The following NRCAM variants were observed in gnomAD, a reference collection of about 807,000 sequenced individuals.
NRCAM encodes the protein neuronal cell adhesion molecule, also known as NgCAM-related cell adhesion molecule.
NRCAM carries 83 observed loss-of-function variants against 156.5 expected under a neutral mutation model. The ratio of observed to expected loss-of-function variants is 0.53; its 90% CI spans 0.44 to 0.64. The LOEUF (loss-of-function observed/expected upper bound fraction) is 0.64. Among genes scored for constraint, NRCAM ranks in the 30% least tolerant of loss-of-function variants. The pLI is 0.00. For synonymous variants in NRCAM, 538 were observed against 563.9 expected, an observed-to-expected ratio of 0.95 and a Z score of 0.65; for missense variants, 1,417 against 1,597.3, an observed-to-expected ratio of 0.89 and a Z score of 1.92.
At chr7:108,442,096 G>A (rs775951124) in intron 1 of NRCAM, among the ~76,000 whole-genome samples, 22 of 152,074 alleles carry the variant, frequency 1.4e-4, no homozygotes, top group Non-Finnish European at 2.9e-4. Context: ...TAATACCTCG[G>A]GAGCAGGCTG....
Position 108,301,894 on chromosome 7 carries a change from G to A in NRCAM, c.-107+10771C>T, listed in dbSNP as rs945257151. 5.3e-5 allele frequency among the ~76,000 whole-genome samples: 8 copies of A among 152,060 alleles called. No individual in the cohort carries two copies. In the South Asian group the frequency reaches 1.5e-3, roughly 28 times the overall value. Reference sequence around the variant, plus strand: ...TACATCACTTTAGGACACTATTTCTGAGACTTGCGACTCAGCTTTGTACAT... The same window carrying A: ...TACATCACTTTAGGACACTATTTCTAAGACTTGCGACTCAGCTTTGTACAT... On this transcript the variant is annotated intron_variant, in intron 3 of 32. Transcript: ENST00000379028.
chr7:108,221,163 G>A (rs2092122554), intron 11 of NRCAM, among the ~76,000 whole-genome samples: 1 of 152,170 alleles, frequency 6.6e-6, no homozygotes, highest in African/African-American at 2.4e-5. Flanking sequence ...CCTTACTCCT[G>A]CAAGAATGGC....
At chr7:108,383,949 G>A (rs931265022) in intron 2 of NRCAM, among the ~76,000 whole-genome samples, 1 of 152,100 alleles carries the variant, frequency 6.6e-6, no homozygotes, top group South Asian at 2.1e-4. Context: ...TTTGGTTTAA[G>A]AACAGGTTGA....
chr7:108,207,534 T>C lies in NRCAM; in HGVS notation c.1201A>G (p.Ile401Val). The C allele has an allele frequency of 1.9e-6, 3 of 1,613,946 alleles. No homozygotes were observed. The highest frequency in any genetic ancestry group is 1.3e-5 in the African/African-American group (1 of 75,018). The stretch of plus-strand genomic sequence containing the variant: ...ACCACTCAAGGCAACTTACTTTCTA[T>C]TGGGACTCCATTTGTTAACCAGCTA... ...RISWLTNGVP[I>V]EIAPDDPSRK... The change falls in exon 13 of 33, where the codon ATA becomes GTA. Residue 401 changes from isoleucine to valine, a missense_variant. Transcript: ENST00000379028.
At position 108,189,713 on chromosome 7, in the gene NRCAM, G is replaced by T; in HGVS notation, c.1967C>A (p.Thr656Lys). The change falls in exon 20 of 33, where the codon ACA (threonine) becomes AAA (lysine). Residue 656 changes from threonine (T) to lysine (K), a missense_variant. Around this residue, in one of 2 missense-constraint regions of NRCAM, gnomAD observed 1,238 missense variants for 1,336.4 expected, o/e 0.93. Transcript: ENST00000379028. ...VPNPPFDLELTDQLDKSVQLS... is the reference protein window; with the variant it reads ...VPNPPFDLELKDQLDKSVQLS... ...CTGAACACTTTTGTCAAGTTGATCT[G>T]TCAGTTCTAAGTCAAAGGGAGGATT... 6.5e-7 allele frequency: 1 copy of T among 1,547,152 alleles called. No homozygotes were observed. The highest frequency in any genetic ancestry group is 8.9e-7 in the Non-Finnish European group (1 of 1,121,200).
chr7:108,335,013 A>G (rs1422023100), intron 2 of NRCAM, among the ~76,000 whole-genome samples: 2 of 152,198 alleles, frequency 1.3e-5, no homozygotes, highest in Non-Finnish European at 2.9e-5. Flanking sequence ...AGGCATATTT[A>G]CATCCATTAA....
intron 2 of NRCAM, among the ~76,000 whole-genome samples, chr7:108,318,886 G>A (rs535342272): frequency 6.6e-6 from 1 of 152,174 alleles, no homozygotes; most frequent in Non-Finnish European, 1.5e-5. Context: ...TATTCAGGAA[G>A]CAAAAGCAGT....
chr7:108,193,900 AT>A, intron 17 of NRCAM, 123 bp downstream of exon 17: 2 of 912,366 alleles, frequency 2.2e-6, no homozygotes, highest in Non-Finnish European at 3.2e-6. Context: ...TTATCTCTCT[AT>A]TTTGGAGACA....
intron 32 of NRCAM, among the ~76,000 whole-genome samples, chr7:108,157,283 G>T (rs2046077911): frequency 6.6e-6 from 1 of 152,040 alleles, no homozygotes; most frequent in African/African-American, 2.4e-5. Context: ...AGAAACTAAG[G>T]CCTAAAGACA....
chr7:108,434,323 A>G (rs1302962890), intron 1 of NRCAM, among the ~76,000 whole-genome samples: 5 of 152,244 alleles, frequency 3.3e-5, no homozygotes, highest in Non-Finnish European at 7.3e-5. Context: ...GAAAGCAAAC[A>G]AGAACACCAG....
At chr7:108,303,675 G>C (rs989807513) in intron 3 of NRCAM, among the ~76,000 whole-genome samples, 2 of 151,634 alleles carry the variant, frequency 1.3e-5, no homozygotes, top group Non-Finnish European at 2.9e-5. Flanking sequence ...GGCACTTGGA[G>C]TGTATCTACT....
Position 108,432,454 on chromosome 7 carries a change from C to A in NRCAM, c.-332+23789G>T, listed in dbSNP as rs375753025. Among the ~76,000 whole-genome samples, 5 of 152,288 alleles carry A rather than the reference C, an allele frequency of 3.3e-5. No individual in the cohort carries two copies. In the East Asian group the frequency reaches 5.8e-4, roughly 18 times the overall value. On this transcript the variant is annotated intron_variant, in intron 1 of 32. Transcript: ENST00000379028. ...CTTTGCTCCAACCCTAAGTGGCTAGCTGGAACAATGGAGGATTCTCAAAGT... is the reference window on the plus strand; with the variant it reads ...CTTTGCTCCAACCCTAAGTGGCTAGATGGAACAATGGAGGATTCTCAAAGT...
At chr7:108,454,681 C>T (rs1305286720) in intron 1 of NRCAM, among the ~76,000 whole-genome samples, 1 of 152,154 alleles carries the variant, frequency 6.6e-6, no homozygotes, top group African/African-American at 2.4e-5. Context: ...GCCCAGCCTC[C>T]GAGGTTTGTA....
intron 11 of NRCAM, among the ~76,000 whole-genome samples, chr7:108,223,494 C>T (rs2092823089): frequency 6.6e-6 from 1 of 152,028 alleles, no homozygotes; most frequent in South Asian, 2.1e-4. Flanking sequence ...TTTCAACAAT[C>T]ATAAGGTGAT....
chr7:108,345,719 C>A (rs187948954), intron 2 of NRCAM, among the ~76,000 whole-genome samples: 10 of 152,320 alleles, frequency 6.6e-5, no homozygotes, highest in Middle Eastern at 6.8e-3. Flanking sequence ...GGAACCCCAC[C>A]AGCTGACATC....
intron 2 of NRCAM, among the ~76,000 whole-genome samples, chr7:108,375,998 A>G (rs1024418403): frequency 2.0e-5 from 3 of 152,188 alleles, no homozygotes; most frequent in African/African-American, 7.2e-5. Context: ...TTAAATTGCC[A>G]TTGTCCAAAC....
chr7:108,340,377 G>A (rs182881836), intron 2 of NRCAM, among the ~76,000 whole-genome samples: 1 of 143,110 alleles, frequency 7.0e-6, no homozygotes, highest in Non-Finnish European at 1.6e-5. Context: ...AACCCTGATG[G>A]CTATATTGAT....
intron 2 of NRCAM, among the ~76,000 whole-genome samples, chr7:108,380,812 G>T (rs1321568140): frequency 6.6e-6 from 1 of 152,108 alleles, no homozygotes; most frequent in Non-Finnish European, 1.5e-5. Context: ...GCAAATAGTA[G>T]TTCTAAGACC....
chr7:108,447,079 C>T (rs1022314781), intron 1 of NRCAM, among the ~76,000 whole-genome samples: 3 of 151,994 alleles, frequency 2.0e-5, no homozygotes, highest in Non-Finnish European at 2.9e-5. Flanking sequence ...GCTTAGGTTT[C>T]ACTTGGTATC....
Sources: allele counts gnomAD v4.1 joint callset (sites outside exome capture counted in the v4.1 genomes callset), GRCh38; gene constraint gnomAD v4.1.1; regional missense constraint gnomAD v4.1.1; transcripts MANE v1.5; gene names NCBI Gene and HGNC (gene_info 2026-07-23, HGNC 2026-07-21).